SGCD: variants seen among roughly 807,000 people sequenced by gnomAD.
The protein encoded by SGCD is delta-sarcoglycan.
SGCD carries 18 observed loss-of-function variants against 36.6 expected under a neutral mutation model. The observed-to-expected ratio is 0.49, with a 90% CI of 0.34 to 0.73. The LOEUF is 0.73. Ranked by LOEUF, SGCD falls within the 30% of genes least tolerant of loss-of-function variation. The pLI is 0.01. For synonymous variants in SGCD, 133 were observed against 130.6 expected, an observed-to-expected ratio of 1.02 and a Z score of -0.12; for missense variants, 387 against 346.7, an observed-to-expected ratio of 1.12 and a Z score of -0.92.
At position 156,493,737 on chromosome 5, in the gene SGCD, A is replaced by G. The variant is rs60445304; in HGVS notation, c.193-14864A>G. Among the ~76,000 whole-genome samples, 967 of 152,294 alleles carry G rather than the reference A, an allele frequency of 6.3e-3. 14 individuals are homozygous for G. Among genetic ancestry groups the G allele is most frequent in the African/African-American group, 0.022 (913 of 41,574 alleles). ...TTCCAGTTAAAATTATTAAACGACT[A>G]TCTTACCCAGGGAAGAAAGCAGCCT... On this transcript the variant is annotated intron_variant, in intron 3 of 8. Coordinates refer to ENST00000337851, the MANE Select transcript of SGCD (RefSeq NM_000337.6).
the SGCD span, among the ~76,000 whole-genome samples, chr5:155,803,731 T>G: frequency 6.6e-6 from 1 of 152,288 alleles, no homozygotes; most frequent in Middle Eastern, 3.4e-3. Flanking sequence ...GGGCAAAAGA[T>G]TTTAGCAGGT....
intron 1 of SGCD, among the ~76,000 whole-genome samples, chr5:155,910,006 G>C (rs1199560241): frequency 6.6e-6 from 1 of 151,984 alleles, no homozygotes; most frequent in African/African-American, 2.4e-5. Flanking sequence ...TATCTTGTAG[G>C]CTCATTTTTT....
At chr5:156,309,087 C>T (rs1202449932) in intron 3 of SGCD, among the ~76,000 whole-genome samples, 3 of 152,064 alleles carry the variant, frequency 2.0e-5, no homozygotes, top group Non-Finnish European at 2.9e-5. Flanking sequence ...TTGCCTTTGG[C>T]TTTTGACAGT....
intron 1 of SGCD, among the ~76,000 whole-genome samples, chr5:155,910,980 G>T (rs1362123766): frequency 6.6e-6 from 1 of 152,114 alleles, no homozygotes; most frequent in African/African-American, 2.4e-5. Flanking sequence ...TTAGCTGCTT[G>T]TTCTATCACA....
At chr5:156,340,958 G>A (rs1768620671) in intron 2 of SGCD, among the ~76,000 whole-genome samples, 1 of 152,170 alleles carries the variant, frequency 6.6e-6, no homozygotes, top group Non-Finnish European at 1.5e-5. Flanking sequence ...GCATGGAAAG[G>A]CCTCCTTTTA....
chr5:156,376,834 T>C (rs1770696706), intron 3 of SGCD, among the ~76,000 whole-genome samples: 1 of 152,136 alleles, frequency 6.6e-6, no homozygotes, highest in Admixed American at 6.6e-5. Flanking sequence ...TAAAATAATT[T>C]AATACAAATA....
intron 1 of SGCD, among the ~76,000 whole-genome samples, chr5:155,938,088 A>C (rs1452854556): frequency 6.6e-6 from 1 of 152,214 alleles, no homozygotes; most frequent in Non-Finnish European, 1.5e-5. Context: ...ATACCTGCAC[A>C]TACAGACACT....
In SGCD at chr5:156,192,356, G is replaced by C. The variant is rs191492439; in HGVS notation, c.-44+68337G>C. Among the ~76,000 whole-genome samples, 111 of 152,244 alleles carry C rather than the reference G, an allele frequency of 7.3e-4. No individual in the cohort carries two copies. In the East Asian group the frequency reaches 0.019, roughly 27 times the overall value. ...AGAACTGGTAATTATTATGTTAAGT[G>C]AAATATGCCAGGTACAGAAAGACAA... is the stretch of plus-strand genomic sequence containing the variant. On this transcript the variant is annotated intron_variant, in intron 3 of 9. Coordinates refer to the SGCD transcript ENST00000517913.
chr5:156,452,993 T>A (rs1473558318), intron 3 of SGCD, among the ~76,000 whole-genome samples: 1 of 152,172 alleles, frequency 6.6e-6, no homozygotes, highest in Non-Finnish European at 1.5e-5. Flanking sequence ...ATAGTTTTAC[T>A]CAATGATTAT....
At chr5:156,438,155 AT>A (rs1373451509) in intron 3 of SGCD, among the ~76,000 whole-genome samples, 3 of 152,210 alleles carry the variant, frequency 2.0e-5, no homozygotes, top group Non-Finnish European at 4.4e-5. Context: ...GAAATCAAGC[AT>A]TTTTGGAAAA....
intron 3 of SGCD, among the ~76,000 whole-genome samples, chr5:156,200,865 A>G (rs915026644): frequency 2.6e-5 from 4 of 152,200 alleles, no homozygotes; most frequent in Admixed American, 2.6e-4. Context: ...ATGAATAGAT[A>G]AGCAAAATGC....
intron 6 of SGCD, among the ~76,000 whole-genome samples, chr5:156,609,025 G>A (rs1358221817): frequency 6.9e-6 from 1 of 144,926 alleles, no homozygotes; most frequent in African/African-American, 2.6e-5. Context: ...CTTTTAATTG[G>A]AGCATTTAGC....
chr5:156,483,066 A>T (rs1329700880), intron 3 of SGCD, among the ~76,000 whole-genome samples: 1 of 152,086 alleles, frequency 6.6e-6, no homozygotes, highest in Non-Finnish European at 1.5e-5. Flanking sequence ...TCTAGGCCTC[A>T]TGAATGGTAT....
chr5:156,545,644 A>C (rs747684145), intron 4 of SGCD, among the ~76,000 whole-genome samples: 1 of 152,110 alleles, frequency 6.6e-6, no homozygotes, highest in Non-Finnish European at 1.5e-5. Flanking sequence ...TGCAGATCTG[A>C]CAGGAGGTAG....
intron 1 of SGCD, among the ~76,000 whole-genome samples, chr5:156,023,700 A>G (rs913351809): frequency 6.6e-6 from 1 of 152,202 alleles, no homozygotes; most frequent in Non-Finnish European, 1.5e-5. Context: ...TCAGAGAATT[A>G]TCTCAGTAAT....
intron 1 of SGCD, among the ~76,000 whole-genome samples, chr5:155,971,521 C>T (rs1581019552): frequency 6.6e-6 from 1 of 152,106 alleles, no homozygotes; most frequent in Non-Finnish European, 1.5e-5. Flanking sequence ...ACTCGTCTGG[C>T]CCAATTTTTC....
At chr5:156,277,429 G>C (rs148415808) in intron 3 of SGCD, among the ~76,000 whole-genome samples, 1 of 152,326 alleles carries the variant, frequency 6.6e-6, no homozygotes, top group African/African-American at 2.4e-5. Flanking sequence ...TAGCCCACTT[G>C]TAATGAGGAA....
intron 1 of SGCD, among the ~76,000 whole-genome samples, chr5:155,943,176 T>C (rs1005928440): frequency 6.6e-6 from 1 of 152,208 alleles, no homozygotes; most frequent in Non-Finnish European, 1.5e-5. Context: ...TTAATATATT[T>C]AATTAATCTA....
In SGCD at chr5:156,553,770, T is replaced by C. The variant is rs112572828; in HGVS notation, c.295-35461T>C. On this transcript the variant is annotated intron_variant, in intron 4 of 8. Coordinates refer to ENST00000337851, the MANE Select transcript of SGCD (RefSeq NM_000337.6). ...ATAAGGTCTTCAAGGTTCATTCATATTGGGGCCTATATCTGTACTTCATTG... is the reference window on the plus strand; with the variant it reads ...ATAAGGTCTTCAAGGTTCATTCATACTGGGGCCTATATCTGTACTTCATTG... 8.0e-4 allele frequency among the ~76,000 whole-genome samples: 122 copies of C among 152,320 alleles called. 1 individual carries two copies. Among genetic ancestry groups the C allele is most frequent in the African/African-American group, 2.7e-3 (114 of 41,576 alleles).
Sources: allele counts gnomAD v4.1 joint callset (sites outside exome capture counted in the v4.1 genomes callset), GRCh38; gene constraint gnomAD v4.1.1; transcripts MANE v1.5; gene names NCBI Gene and HGNC (gene_info 2026-07-23, HGNC 2026-07-21).